FRAS1: variants seen among roughly 807,000 people sequenced by gnomAD.
The protein encoded by FRAS1 is Fraser extracellular matrix complex subunit 1.
A neutral mutation model predicts 435.2 loss-of-function variants in FRAS1; 290 were observed. That is an observed-to-expected ratio of 0.67 (90% CI 0.61 to 0.73). The LOEUF (loss-of-function observed/expected upper bound fraction) is 0.73, where lower values mean the gene tolerates loss of function less well. FRAS1 is among the 30% of genes least tolerant of loss of function. The pLI is 0.00. For missense variants in FRAS1, 4,860 were observed against 5,001.5 expected, an observed-to-expected ratio of 0.97 and a Z score of 0.85; for synonymous variants, 1,800 against 1,851.0, an observed-to-expected ratio of 0.97 and a Z score of 0.71.
chr4:78,340,608 T>C (rs1270766767), intron 20 of FRAS1, among the ~76,000 whole-genome samples: 3 of 152,194 alleles, frequency 2.0e-5, no homozygotes, highest in Admixed American at 6.5e-5. Context: ...AAATGGACTC[T>C]TTAGTGAATG....
At chr4:78,178,205 A>T (rs1721855600) in intron 2 of FRAS1, among the ~76,000 whole-genome samples, 1 of 152,148 alleles carries the variant, frequency 6.6e-6, no homozygotes, top group Non-Finnish European at 1.5e-5. Context: ...TTTTAAAAAA[A>T]TAAAGATACC....
chr4:78,217,202 AG>A (rs1235726130), intron 2 of FRAS1, among the ~76,000 whole-genome samples: 1 of 152,142 alleles, frequency 6.6e-6, no homozygotes, highest in Admixed American at 6.5e-5. Context: ...TGTTCTATTC[AG>A]GCCCTCCAAG....
chr4:78,360,733 G>A (rs1731044114), intron 20 of FRAS1, among the ~76,000 whole-genome samples: 1 of 152,044 alleles, frequency 6.6e-6, no homozygotes, highest in South Asian at 2.1e-4. Flanking sequence ...TGAGGGGGAA[G>A]GAATGTCCAT....
intron 2 of FRAS1, among the ~76,000 whole-genome samples, chr4:78,076,541 T>C (rs1016042152): frequency 2.0e-5 from 3 of 152,194 alleles, no homozygotes; most frequent in African/African-American, 7.2e-5. Flanking sequence ...TTGGAAAGTA[T>C]AGTTTTTCTC....
In FRAS1 at chr4:78,513,493, A is replaced by G. The variant is rs1721105129; in HGVS notation, c.10115A>G (p.Tyr3372Cys). 5 of 1,613,500 alleles carry G rather than the reference A, an allele frequency of 3.1e-6. No homozygotes were observed. Among genetic ancestry groups the G allele is most frequent in the Non-Finnish European group, 4.2e-6 (5 of 1,179,502 alleles). Reference protein sequence around the residue: ...NLHFLLSESIYRHQHVCSNLV... With the variant: ...NLHFLLSESICRHQHVCSNLV... ...CATTTTCTACTGTCTGAGTCCATCTACAGACACCAGCACGTCTGCTCCAAT... is the reference window on the plus strand; with the variant it reads ...CATTTTCTACTGTCTGAGTCCATCTGCAGACACCAGCACGTCTGCTCCAAT... The change falls in exon 65 of 74, where the codon TAC (tyrosine) becomes TGC (cysteine). Residue 3372 changes from tyrosine to cysteine, a missense_variant. Physicochemically the swap from Tyr to Cys is radical, Grantham distance 194. Transcript: ENST00000512123.
chr4:78,380,111 A>G (rs965811104), intron 27 of FRAS1, 115 bp downstream of exon 27: 41 of 1,173,546 alleles, frequency 3.5e-5, no homozygotes, highest in Non-Finnish European at 3.7e-5. Flanking sequence ...TCTGGGGAAG[A>G]TCAATACTCC....
intron 2 of FRAS1, among the ~76,000 whole-genome samples, chr4:78,083,626 G>T (rs375443792): frequency 2.1e-3 from 231 of 108,174 alleles, no homozygotes; most frequent in South Asian, 2.9e-3. Context: ...TGCAAGTTCT[G>T]TTTTTTTTTT....
intron 2 of FRAS1, among the ~76,000 whole-genome samples, chr4:78,222,869 A>G (rs1724116116): frequency 1.3e-5 from 2 of 152,334 alleles, no homozygotes; most frequent in South Asian, 2.1e-4. Context: ...ATGTAAAATG[A>G]AAGCTGTATT....
intron 6 of FRAS1, among the ~76,000 whole-genome samples, chr4:78,256,443 C>T (rs1036816360): frequency 2.0e-5 from 3 of 152,116 alleles, no homozygotes; most frequent in African/African-American, 4.8e-5. Flanking sequence ...CATTTTGGGG[C>T]CTAGTCCCTT....
chr4:78,238,956 A>G lies in FRAS1; in HGVS notation c.216+1339A>G, dbSNP rs574338363. On this transcript the variant is annotated intron_variant, in intron 3 of 73. Transcript: ENST00000512123. ...TTTGAAATGATTGAAAAAATAAAAA[A>G]TAGTATTTTATAATGTGAAAATTAT... Among the ~76,000 whole-genome samples the G allele has an allele frequency of 2.0e-5, 3 of 152,362 alleles. No individual in the cohort carries two copies. In the East Asian group the frequency reaches 5.8e-4, roughly 29 times the overall value.
intron 9 of FRAS1, among the ~76,000 whole-genome samples, chr4:78,267,878 C>T (rs1578216747): frequency 6.6e-6 from 1 of 152,168 alleles, no homozygotes; most frequent in Admixed American, 6.5e-5. Flanking sequence ...GGGCCGCTTC[C>T]GTGGATCAGG....
intron 40 of FRAS1, among the ~76,000 whole-genome samples, chr4:78,440,161 G>C (rs1032580418): frequency 6.6e-6 from 1 of 151,138 alleles, no homozygotes; most frequent in Non-Finnish European, 1.5e-5. Flanking sequence ...CTCCCGAGTA[G>C]CTGGGACTAC....
chr4:78,469,559 A>G (rs577755051), intron 50 of FRAS1, among the ~76,000 whole-genome samples: 2 of 152,344 alleles, frequency 1.3e-5, no homozygotes, highest in African/African-American at 4.8e-5. Flanking sequence ...TTTCAACATT[A>G]ACAATTTAAT....
At chr4:78,132,171 T>C (rs578224150) in intron 2 of FRAS1, among the ~76,000 whole-genome samples, 2 of 152,206 alleles carry the variant, frequency 1.3e-5, no homozygotes, top group African/African-American at 2.4e-5. Context: ...CTGGTTCTTG[T>C]ATAAACCAGG....
chr4:78,298,028 CTCTA>C (rs367684507), intron 14 of FRAS1, among the ~76,000 whole-genome samples: 4,648 of 101,766 alleles, frequency 0.046, 84 homozygotes, highest in Non-Finnish European at 0.051. Context: ...CTCTCTCTCT[CTCTA>C]TATATATATA....
intron 2 of FRAS1, among the ~76,000 whole-genome samples, chr4:78,128,869 A>G (rs924202481): frequency 4.6e-5 from 7 of 152,152 alleles, no homozygotes; most frequent in African/African-American, 1.7e-4. Flanking sequence ...GTTTTCTTCT[A>G]GGGTTTTTAT....
intron 37 of FRAS1, among the ~76,000 whole-genome samples, chr4:78,431,036 A>G (rs2110388092): frequency 6.6e-6 from 1 of 152,342 alleles, no homozygotes; most frequent in South Asian, 2.1e-4. Context: ...GCCCTTATTC[A>G]TTGAAGTGAA....
At chr4:78,418,214 A>T (rs1257482450) in intron 32 of FRAS1, among the ~76,000 whole-genome samples, 1 of 152,280 alleles carries the variant, frequency 6.6e-6, no homozygotes, top group Non-Finnish European at 1.5e-5. Context: ...TTTGACCAGT[A>T]GAATGGAGAA....
intron 9 of FRAS1, among the ~76,000 whole-genome samples, chr4:78,271,922 G>A (rs1036007096): frequency 7.2e-5 from 11 of 152,150 alleles, no homozygotes; most frequent in South Asian, 6.2e-4. Flanking sequence ...CTAGTTTACC[G>A]TCCCACCAAC....
Sources: gnomAD v4.1 joint callset for allele counts (sites outside exome capture counted in the v4.1 genomes callset) on GRCh38, gnomAD v4.1.1 for gene constraint, MANE v1.5 for transcripts, NCBI Gene and HGNC (gene_info 2026-07-23, HGNC 2026-07-21) for gene names.